The following TLR5 variants were observed in gnomAD, a reference collection of about 807,000 sequenced individuals.
The protein encoded by TLR5 is toll like receptor 5, also known as toll-like receptor 5.
For synonymous variants in TLR5, 373 were observed against 384.4 expected, an observed-to-expected ratio of 0.97 and a Z score of 0.35; for missense variants, 944 against 999.8, an observed-to-expected ratio of 0.94 and a Z score of 0.75.
At chr1:223,128,468 C>T (rs938019619) in intron 5 of TLR5, 1 of 152,292 alleles carries the variant, frequency 6.6e-6, no homozygotes, top group African/African-American at 2.4e-5. Flanking sequence ...CTCTCCTCCC[C>T]TTCTACCTTC....
At chr1:223,139,485 A>C (rs1044466468) in intron 2 of TLR5, among the ~76,000 whole-genome samples, 3 of 152,204 alleles carry the variant, frequency 2.0e-5, no homozygotes, top group African/African-American at 7.2e-5. Flanking sequence ...GGGCCTCTGC[A>C]CATAGGGGAT....
chr1:223,136,850 C>CA (rs1657634802), intron 3 of TLR5, among the ~76,000 whole-genome samples: 2 of 151,560 alleles, frequency 1.3e-5, no homozygotes, highest in Non-Finnish European at 2.9e-5. Flanking sequence ...TTTTTTGAGA[C>CA]AGAGTCTCAC....
intron 2 of TLR5, among the ~76,000 whole-genome samples, chr1:223,137,974 T>TTTTTTTTA (rs1657681305): frequency 7.0e-6 from 1 of 143,822 alleles, no homozygotes; most frequent in South Asian, 2.3e-4. Flanking sequence ...TTTTTTTTTT[T>TTTTTTTTA]TTGAGACCAG....
At chr1:223,120,444 C>G (rs969397914) in intron 5 of TLR5, among the ~76,000 whole-genome samples, 1 of 152,206 alleles carries the variant, frequency 6.6e-6, no homozygotes, top group African/African-American at 2.4e-5. Flanking sequence ...CCAATGCATA[C>G]CCCACATAGA....
intron 3 of TLR5, among the ~76,000 whole-genome samples, chr1:223,136,589 T>C (rs1657623070): frequency 6.6e-6 from 1 of 152,242 alleles, no homozygotes; most frequent in African/African-American, 2.4e-5. Context: ...AACCCAGTTA[T>C]ATCTCTGACC....
At chr1:223,135,183 TG>T (rs1657558943) in intron 3 of TLR5, among the ~76,000 whole-genome samples, 4 of 151,762 alleles carry the variant, frequency 2.6e-5, no homozygotes, top group African/African-American at 9.7e-5. Flanking sequence ...GAAGGAAAGG[TG>T]GGGGGCACTC....
intron 2 of TLR5, among the ~76,000 whole-genome samples, chr1:223,138,676 A>C (rs923195948): frequency 6.6e-6 from 1 of 152,202 alleles, no homozygotes; most frequent in Admixed American, 6.5e-5. Context: ...TCCAGGAAAC[A>C]AAAAAATTTT....
intron 5 of TLR5, among the ~76,000 whole-genome samples, chr1:223,118,776 G>A (rs1656799539): frequency 6.6e-6 from 1 of 151,982 alleles, no homozygotes; most frequent in Non-Finnish European, 1.5e-5. Context: ...AGACTTTTAG[G>A]TTAAATTTTA....
At chr1:223,132,417 G>A (rs1463135683) in intron 5 of TLR5, 58 bp downstream of exon 5, 1 of 152,048 alleles carries the variant, frequency 6.6e-6, no homozygotes, top group Non-Finnish European at 1.5e-5. Flanking sequence ...ATTTATATAC[G>A]TATCATACAC....
chr1:223,136,349 G>A (rs1657613538), intron 3 of TLR5, among the ~76,000 whole-genome samples: 1 of 152,182 alleles, frequency 6.6e-6, no homozygotes, highest in African/African-American at 2.4e-5. Flanking sequence ...GAGCCCCTGG[G>A]ATCTTGGCAA....
intron 5 of TLR5, among the ~76,000 whole-genome samples, chr1:223,130,652 T>C (rs1657364159): frequency 6.6e-6 from 1 of 152,246 alleles, no homozygotes; most frequent in Admixed American, 6.5e-5. Context: ...ATTATACCAT[T>C]GCACCATCTG....
At position 223,111,855 on chromosome 1, in the gene TLR5, C is replaced by T; in HGVS notation, c.1177G>A (p.Asp393Asn). ...AAATGAATGGTTGTAAGAGCATTGTCTCGGAGATCCAAGGTCTGTAATTTT... is the reference window on the plus strand; with the variant it reads ...AAATGAATGGTTGTAAGAGCATTGTTTCGGAGATCCAAGGTCTGTAATTTT... Reference protein sequence around the residue: ...LEKLQTLDLRDNALTTIHFIP... With the variant: ...LEKLQTLDLRNNALTTIHFIP... The change falls in exon 6 of 6, where the codon GAC (aspartate) becomes AAC (asparagine). Residue 393 changes from aspartate (D) to asparagine (N), a missense_variant. Transcript: ENST00000642603. 1 of 1,613,858 alleles carries T rather than the reference C, an allele frequency of 6.2e-7. No homozygotes were observed. Among genetic ancestry groups the T allele is most frequent in the Non-Finnish European group, 8.5e-7 (1 of 1,179,870 alleles).
rs1456628899 is a variant in TLR5, at chr1:223,110,562, C to T, written c.2470G>A (p.Asp824Asn). 6.2e-7 allele frequency: 1 copy of T among 1,614,138 alleles called. No individual in the cohort carries two copies. Among genetic ancestry groups the T allele is most frequent in the Non-Finnish European group, 8.5e-7 (1 of 1,180,024 alleles). ...QYLRWPEDLQ[D>N]VGWFLHKLSQ... Reference sequence around the variant, plus strand: ...AGTTTATGAAGAAACCAGCCAACATCCTGGAGATCCTCAGGCCACCTCAAA... The same window carrying T: ...AGTTTATGAAGAAACCAGCCAACATTCTGGAGATCCTCAGGCCACCTCAAA... The change falls in exon 6 of 6, where the codon GAT becomes AAT. Residue 824 changes from aspartate to asparagine, a missense_variant. Transcript: ENST00000642603.
intron 5 of TLR5, among the ~76,000 whole-genome samples, chr1:223,119,979 A>AAAATAAAATAAAATAAAAT (rs1419771818): frequency 5.2e-5 from 1 of 19,070 alleles, no homozygotes; most frequent in African/African-American, 6.1e-4. Flanking sequence ...AAAATAAAAT[A>AAAATAAAATAAAATAAAAT]AATAAAATAA....
In TLR5 at chr1:223,110,429, A is replaced by G; in HGVS notation, c.*26T>C. On this transcript the variant is annotated 3_prime_UTR_variant, in exon 6 of 6. Transcript: ENST00000642603. ...AAAGTGAAGAGTTATTTGTGGCTTG[A>G]GATAAGTTGGAAATTGCTCCTTTGA... The G allele has an allele frequency of 6.2e-7, 1 of 1,611,978 alleles. No homozygotes were observed. Among genetic ancestry groups the G allele is most frequent in the Middle Eastern group, 1.8e-4 (1 of 5,482 alleles).
intron 3 of TLR5, among the ~76,000 whole-genome samples, chr1:223,136,539 G>T (rs1174535573): frequency 6.6e-6 from 1 of 152,190 alleles, no homozygotes; most frequent in East Asian, 1.9e-4. Flanking sequence ...TTGGTTCACA[G>T]GTTGGGAAAT....
At chr1:223,130,303 C>G (rs753853770) in intron 5 of TLR5, among the ~76,000 whole-genome samples, 9 of 152,194 alleles carry the variant, frequency 5.9e-5, no homozygotes, top group African/African-American at 9.6e-5. Flanking sequence ...CCACCTGTGT[C>G]CCTTTTTGTG....
At chr1:223,113,803 G>T (rs1198008433) in intron 5 of TLR5, among the ~76,000 whole-genome samples, 1 of 152,058 alleles carries the variant, frequency 6.6e-6, no homozygotes, top group Non-Finnish European at 1.5e-5. Context: ...TCATTCATTC[G>T]TTTGTTTATT....
chr1:223,133,011 C>G (rs1186928654), intron 4 of TLR5, among the ~76,000 whole-genome samples: 1 of 152,162 alleles, frequency 6.6e-6, no homozygotes, highest in Admixed American at 6.5e-5. Context: ...GAGCAGAGAA[C>G]TTCCAGACAA....
Sources: gnomAD v4.1 joint callset for allele counts (sites outside exome capture counted in the v4.1 genomes callset) on GRCh38, gnomAD v4.1.1 for gene constraint, MANE v1.5 for transcripts, NCBI Gene and HGNC (gene_info 2026-07-23, HGNC 2026-07-21) for gene names.